ZNF827: variants seen among roughly 807,000 people sequenced by gnomAD.
ZNF827 encodes zinc finger protein 827.
A neutral mutation model predicts 102.4 loss-of-function variants in ZNF827; 13 were observed. The observed-to-expected ratio is 0.13, with a 90% CI of 0.08 to 0.20. ZNF827 has a LOEUF of 0.20. ZNF827 is among the 10% of genes least tolerant of loss of function. ZNF827 has a pLI of 1.00. For missense variants in ZNF827, 1,103 were observed against 1,344.4 expected (o/e 0.82, Z 2.81); for synonymous variants, 523 against 536.2 (o/e 0.98, Z 0.34).
intron 4 of ZNF827, among the ~76,000 whole-genome samples, chr4:145,879,170 T>A (rs11930210): frequency 3.3e-5 from 5 of 152,170 alleles, no homozygotes; most frequent in African/African-American, 1.2e-4. Flanking sequence ...GCCAACCTTC[T>A]GTGGTTACCC....
At chr4:145,850,198 C>A (rs1265912318) in intron 5 of ZNF827, among the ~76,000 whole-genome samples, 1 of 152,016 alleles carries the variant, frequency 6.6e-6, no homozygotes, top group Non-Finnish European at 1.5e-5. Flanking sequence ...TTAGTAGAGA[C>A]AGGGTTTCCC....
At position 145,867,082 on chromosome 4, in the gene ZNF827, A is replaced by G. The variant is rs569084759; in HGVS notation, c.1981+3163T>C. On this transcript the variant is annotated intron_variant, in intron 5 of 14. Transcript: ENST00000508784. ...AATTATCTTTGGCAACCATATGCTT[A>G]GCAAAAAAGTCTGATTATTTTGGCT... Among the ~76,000 whole-genome samples the G allele has an allele frequency of 2.0e-5, 3 of 152,366 alleles. No homozygotes were observed. In the South Asian group the frequency reaches 6.2e-4, roughly 32 times the overall value.
intron 8 of ZNF827, among the ~76,000 whole-genome samples, chr4:145,780,104 T>A (rs990175701): frequency 6.6e-6 from 1 of 152,172 alleles, no homozygotes; most frequent in African/African-American, 2.4e-5. Context: ...GGCACGAGAA[T>A]CGCTTGAAGC....
intron 7 of ZNF827, among the ~76,000 whole-genome samples, chr4:145,824,303 C>T (rs1743449047): frequency 6.6e-6 from 1 of 152,122 alleles, no homozygotes; most frequent in Non-Finnish European, 1.5e-5. Flanking sequence ...GTCCATCTTC[C>T]AGGCCTCTAA....
At chr4:145,915,757 A>T (rs1752623757) in intron 1 of ZNF827, among the ~76,000 whole-genome samples, 7 of 152,182 alleles carry the variant, frequency 4.6e-5, no homozygotes, top group Admixed American at 3.9e-4. Flanking sequence ...GTCTAATCTA[A>T]ATTAGATATG....
chr4:145,779,467 A>G lies in ZNF827; in HGVS notation c.2428T>C (p.Trp810Arg). 1 of 1,614,240 alleles carries G rather than the reference A, an allele frequency of 6.2e-7. No homozygotes were observed. The highest frequency in any genetic ancestry group is 8.5e-7 in the Non-Finnish European group (1 of 1,180,044). ...GGAAAAAGCTGGTCATTGAATTTCC[A>G]GGATGGTAATCCATTTCCTGCCTCT... Reference protein sequence around the residue: ...VLEAGNGLPSWKFNDQLFPCD... With the variant: ...VLEAGNGLPSRKFNDQLFPCD... The change falls in exon 9 of 15, where the codon TGG (tryptophan) becomes CGG (arginine). Residue 810 changes from tryptophan to arginine, a missense_variant. Around this residue, in one of 5 missense-constraint regions of ZNF827, gnomAD observed 242 missense variants for 361.9 expected, o/e 0.67. Coordinates refer to ENST00000508784, the MANE Select transcript of ZNF827 (RefSeq NM_001306215.2).
chr4:145,925,127 A>G (rs10006337), intron 1 of ZNF827, among the ~76,000 whole-genome samples: 94,189 of 151,908 alleles, frequency 0.62, 31,103 homozygotes, highest in African/African-American at 0.85. Context: ...ATCAGATCTC[A>G]TGAGACTATT....
At chr4:145,894,094 G>C (rs897450436) in intron 2 of ZNF827, among the ~76,000 whole-genome samples, 1 of 152,194 alleles carries the variant, frequency 6.6e-6, no homozygotes, top group Non-Finnish European at 1.5e-5. Flanking sequence ...AGATGTGACA[G>C]TGGAATTGTG....
At chr4:145,821,452 T>G (rs1743138433) in intron 8 of ZNF827, among the ~76,000 whole-genome samples, 1 of 152,222 alleles carries the variant, frequency 6.6e-6, no homozygotes, top group Non-Finnish European at 1.5e-5. Context: ...CTTACAAAAC[T>G]GTCTTCAGAT....
chr4:145,782,090 A>G (rs73854936), intron 8 of ZNF827, among the ~76,000 whole-genome samples: 2,041 of 152,342 alleles, frequency 0.013, 41 homozygotes, highest in African/African-American at 0.047. Flanking sequence ...CGGGGCACCC[A>G]TGACTGCTCA....
Position 145,861,666 on chromosome 4 carries a change from A to C in ZNF827, c.1981+8579T>G, listed in dbSNP as rs375509372. Reference sequence around the variant, plus strand: ...TTTTGCTCCATATTTGTAAAGGAAGATCTAGAGCCCCTTCAGCACGCCCCC... The same window carrying C: ...TTTTGCTCCATATTTGTAAAGGAAGCTCTAGAGCCCCTTCAGCACGCCCCC... On this transcript the variant is annotated intron_variant, in intron 5 of 14. Transcript: ENST00000508784. Among the ~76,000 whole-genome samples, 10 of 152,282 alleles carry C rather than the reference A, an allele frequency of 6.6e-5. No individual in the cohort carries two copies. In the East Asian group the frequency reaches 1.5e-3, roughly 24 times the overall value.
At chr4:145,807,180 C>T (rs1348449097) in intron 8 of ZNF827, among the ~76,000 whole-genome samples, 2 of 152,136 alleles carry the variant, frequency 1.3e-5, no homozygotes, top group Admixed American at 6.6e-5. Context: ...CTGTTGTTTA[C>T]ACAAGATTGT....
At chr4:145,900,572 G>A (rs1751334064) in intron 2 of ZNF827, among the ~76,000 whole-genome samples, 1 of 151,920 alleles carries the variant, frequency 6.6e-6, no homozygotes, top group Non-Finnish European at 1.5e-5. Flanking sequence ...ACCACGCCTG[G>A]TTAATTTTTG....
chr4:145,915,121 G>A (rs1032775707), intron 1 of ZNF827, among the ~76,000 whole-genome samples: 4 of 152,196 alleles, frequency 2.6e-5, no homozygotes, highest in African/African-American at 9.7e-5. Flanking sequence ...GAGAGAGCAA[G>A]AGCAAGAGAT....
At chr4:145,888,237 C>T (rs545247120) in intron 3 of ZNF827, among the ~76,000 whole-genome samples, 30 of 152,264 alleles carry the variant, frequency 2.0e-4, no homozygotes, top group East Asian at 1.9e-4. Flanking sequence ...TCACATTTGG[C>T]CTTTGAGAGA....
chr4:145,815,552 A>G (rs1185138968), intron 8 of ZNF827, among the ~76,000 whole-genome samples: 1 of 152,220 alleles, frequency 6.6e-6, no homozygotes, highest in African/African-American at 2.4e-5. Flanking sequence ...TAGATGGTCT[A>G]GTTTATGAGT....
chr4:145,911,043 A>G (rs1752247535), intron 1 of ZNF827, among the ~76,000 whole-genome samples: 1 of 152,242 alleles, frequency 6.6e-6, no homozygotes, highest in African/African-American at 2.4e-5. Flanking sequence ...CTGAACAATC[A>G]TAAAGGTAAC....
At chr4:145,782,262 G>A (rs1738183941) in intron 8 of ZNF827, among the ~76,000 whole-genome samples, 1 of 152,222 alleles carries the variant, frequency 6.6e-6, no homozygotes, top group Non-Finnish European at 1.5e-5. Flanking sequence ...CGAAATCACG[G>A]CTGGGTGGGG....
intron 8 of ZNF827, among the ~76,000 whole-genome samples, chr4:145,783,141 C>T (rs978904347): frequency 2.6e-5 from 4 of 152,200 alleles, no homozygotes; most frequent in East Asian, 1.9e-4. Context: ...TCAGTCAACA[C>T]GTCCCCTGGC....
Sources: gnomAD v4.1 joint callset for allele counts (sites outside exome capture counted in the v4.1 genomes callset) on GRCh38, gnomAD v4.1.1 for gene constraint, gnomAD v4.1.1 regional missense constraint, MANE v1.5 for transcripts, NCBI Gene and HGNC (gene_info 2026-07-23, HGNC 2026-07-21) for gene names.